Variants in WWOX observed in about 807,000 individuals in gnomAD.
WWOX encodes WW domain-containing oxidoreductase.
Under a neutral mutation model 46.2 loss-of-function variants are expected in WWOX, and 69 were observed. The observed-to-expected ratio is 1.49, with a 90% CI of 1.23 to 1.82. WWOX has a LOEUF of 1.82. Ranked by LOEUF, WWOX falls within the 40% of genes most tolerant of loss-of-function variation. WWOX has a pLI of 0.00. For missense variants in WWOX, 919 were observed against 542.6 expected (o/e 1.69, Z -6.89); for synonymous variants, 359 against 202.6 (o/e 1.77, Z -6.56).
At chr16:78,991,350 TTGGGAGGCTGAGA>T (rs2046882815) in intron 8 of WWOX, among the ~76,000 whole-genome samples, 1 of 152,012 alleles carries the variant, frequency 6.6e-6, no homozygotes, top group Non-Finnish European at 1.5e-5. Context: ...TTCCAGCATT[TTGGGAGGCTGAGA>T]TGGGAGGATC....
intron 5 of WWOX, among the ~76,000 whole-genome samples, chr16:78,352,464 C>G (rs1272416441): frequency 6.6e-6 from 1 of 152,166 alleles, no homozygotes; most frequent in African/African-American, 2.4e-5. Flanking sequence ...CTGCCCAAAT[C>G]CTTTGGCTCA....
intron 8 of WWOX, among the ~76,000 whole-genome samples, chr16:79,151,637 G>C (rs938685823): frequency 6.6e-6 from 1 of 152,136 alleles, no homozygotes; most frequent in African/African-American, 2.4e-5. Flanking sequence ...GCAGAATGCA[G>C]AGGCCATGCC....
rs546733588 is a variant in WWOX, at chr16:78,498,563, C to G, written c.1056+65811C>G. Among the ~76,000 whole-genome samples, 3 of 152,186 alleles carry G rather than the reference C, an allele frequency of 2.0e-5. No homozygotes were observed. The East Asian group carries it at 5.8e-4, about 29-fold the overall frequency. On this transcript the variant is annotated intron_variant, in intron 8 of 8. Coordinates refer to ENST00000566780, the MANE Select transcript of WWOX (RefSeq NM_016373.4). Reference sequence around the variant, plus strand: ...CGAGAAAGTGCTGCACACCTTTGGCCTAAAGGGTAATGAGCAACACACAAG... The same window carrying G: ...CGAGAAAGTGCTGCACACCTTTGGCGTAAAGGGTAATGAGCAACACACAAG...
chr16:78,398,784 C>T (rs1333959499), intron 6 of WWOX, among the ~76,000 whole-genome samples: 2 of 152,216 alleles, frequency 1.3e-5, no homozygotes, highest in African/African-American at 4.8e-5. Context: ...AGGATACTAA[C>T]ACCACTCTGG....
chr16:78,915,727 C>T (rs2045234826), intron 8 of WWOX, among the ~76,000 whole-genome samples: 1 of 152,132 alleles, frequency 6.6e-6, no homozygotes, highest in Non-Finnish European at 1.5e-5. Context: ...GTTCTCATCC[C>T]GTCATCTGCC....
intron 8 of WWOX, among the ~76,000 whole-genome samples, chr16:78,745,101 A>G (rs2049317696): frequency 6.6e-6 from 1 of 152,134 alleles, no homozygotes; most frequent in Non-Finnish European, 1.5e-5. Context: ...AAAAAAACTG[A>G]CTATAGGAGC....
chr16:78,650,949 C>G (rs2046952951), intron 8 of WWOX, among the ~76,000 whole-genome samples: 1 of 152,206 alleles, frequency 6.6e-6, no homozygotes, highest in Non-Finnish European at 1.5e-5. Context: ...GTCCTAAAAC[C>G]TTATCGTAAT....
intron 6 of WWOX, among the ~76,000 whole-genome samples, chr16:78,396,786 T>A (rs1567547928): frequency 6.6e-6 from 1 of 152,220 alleles, no homozygotes; most frequent in Non-Finnish European, 1.5e-5. Flanking sequence ...TTGAATACAT[T>A]GTTGAGTGTT....
At chr16:78,969,576 C>A (rs1380446559) in intron 8 of WWOX, among the ~76,000 whole-genome samples, 1 of 152,178 alleles carries the variant, frequency 6.6e-6, no homozygotes, top group African/African-American at 2.4e-5. Context: ...CAGCCACTCT[C>A]TTTCAACTAG....
At chr16:78,105,508 A>G (rs1326675408) in intron 1 of WWOX, among the ~76,000 whole-genome samples, 3 of 151,978 alleles carry the variant, frequency 2.0e-5, no homozygotes, top group Non-Finnish European at 4.4e-5. Context: ...AGCAGTGAGA[A>G]TAAGAAACCC....
At chr16:78,838,707 G>A (rs997906460) in intron 8 of WWOX, among the ~76,000 whole-genome samples, 1 of 152,114 alleles carries the variant, frequency 6.6e-6, no homozygotes, top group Admixed American at 6.5e-5. Context: ...GCCGGGCGTG[G>A]TAGCACACAC....
intron 8 of WWOX, among the ~76,000 whole-genome samples, chr16:78,995,855 G>T (rs983860173): frequency 2.6e-5 from 4 of 152,186 alleles, no homozygotes; most frequent in African/African-American, 9.6e-5. Context: ...GTAAAATGTT[G>T]CAGTAGGTTT....
chr16:78,360,632 T>A (rs2081389207), intron 5 of WWOX, among the ~76,000 whole-genome samples: 1 of 45,906 alleles, frequency 2.2e-5, no homozygotes, highest in Non-Finnish European at 7.9e-5. Flanking sequence ...ACAGTACCTC[T>A]ACTTTCTTGT....
At position 79,151,978 on chromosome 16, in the gene WWOX, G is replaced by A. The variant is rs144022553; in HGVS notation, c.1057-59630G>A. Among the ~76,000 whole-genome samples the A allele has an allele frequency of 3.3e-5, 5 of 152,206 alleles. No individual in the cohort carries two copies. The East Asian group carries it at 9.6e-4, about 29-fold the overall frequency. On this transcript the variant is annotated intron_variant, in intron 8 of 8. Transcript: ENST00000566780. ...TGAGTCTTTAAAAGGCAACAGAAAG[G>A]TCTCTGTTACGAAGGGGGAACTAGT...
chr16:78,366,184 C>T (rs1158724973), intron 5 of WWOX, among the ~76,000 whole-genome samples: 1 of 152,176 alleles, frequency 6.6e-6, no homozygotes, highest in Non-Finnish European at 1.5e-5. Context: ...AAATGCATTT[C>T]AAAAAGCTTT....
intron 8 of WWOX, among the ~76,000 whole-genome samples, chr16:78,778,535 G>C (rs1484172300): frequency 6.6e-6 from 1 of 152,122 alleles, no homozygotes; most frequent in Non-Finnish European, 1.5e-5. Context: ...TCACAATTTG[G>C]GTGAGTGTTC....
chr16:78,509,453 A>AT (rs1473202141), intron 8 of WWOX, among the ~76,000 whole-genome samples: 4 of 150,214 alleles, frequency 2.7e-5, no homozygotes, highest in African/African-American at 9.9e-5. Context: ...AAAAAAAAAT[A>AT]ATATAATAAT....
intron 7 of WWOX, among the ~76,000 whole-genome samples, chr16:78,430,400 A>G (rs2083187676): frequency 6.6e-6 from 1 of 152,130 alleles, no homozygotes; most frequent in Non-Finnish European, 1.5e-5. Context: ...TTCATTCTAC[A>G]TGTAAATAGT....
intron 5 of WWOX, among the ~76,000 whole-genome samples, chr16:78,372,432 A>G (rs949909740): frequency 3.3e-5 from 5 of 152,214 alleles, no homozygotes; most frequent in African/African-American, 1.2e-4. Flanking sequence ...CTCCATTTTC[A>G]AAAGAAAAGA....
Sources: gnomAD v4.1 joint callset for allele counts (sites outside exome capture counted in the v4.1 genomes callset) on GRCh38, gnomAD v4.1.1 for gene constraint, MANE v1.5 for transcripts, NCBI Gene and HGNC (gene_info 2026-07-23, HGNC 2026-07-21) for gene names.